The following XKR8 variants were observed in gnomAD, a reference collection of about 807,000 sequenced individuals.
The protein encoded by XKR8 is XK related 8.
Under a neutral mutation model 17.1 loss-of-function variants are expected in XKR8, and 10 were observed. That is an observed-to-expected ratio of 0.59 (90% confidence interval 0.36 to 0.99). The LOEUF (loss-of-function observed/expected upper bound fraction) is 0.99, where lower values mean the gene tolerates loss of function less well. Among genes scored for constraint, XKR8 ranks in the 50% least tolerant of loss-of-function variants. The pLI is 0.01. For missense variants in XKR8, 411 were observed against 515.6 expected (o/e 0.80, Z 1.96); for synonymous variants, 213 against 251.9 (o/e 0.85, Z 1.46).
rs1557507261 is a variant in XKR8 at position 27,966,690 on chromosome 1, C to T, written c.678C>T (p.Pro226=). The part of the protein sequence containing the change: ...LAVALFSALF[P]SYVALHFLGL... ...TGGCCCTGTTCTCAGCCCTCTTCCC[C>T]AGCTATGTGGCCCTGCACTTCCTGG... Residue 226 remains proline (P), a synonymous_variant, in exon 3 of 3, where the codon CCC becomes CCT. Coordinates refer to ENST00000373884, the MANE Select transcript of XKR8 (RefSeq NM_018053.4). The surrounding 1 kb of genome is among the most constrained non-coding windows in gnomAD (Gnocchi z 4.3). The T allele has an allele frequency of 2.5e-6, 4 of 1,614,052 alleles. No individual in the cohort carries two copies. The African/African-American group carries it at 5.3e-5, about 22-fold the overall frequency.
intron 1 of XKR8, among the ~76,000 whole-genome samples, chr1:27,962,725 T>G (rs1638492484): frequency 2.6e-5 from 4 of 151,610 alleles, no homozygotes; most frequent in Non-Finnish European, 5.9e-5. Context: ...CTGAGTAGCT[T>G]GGACTACAGG....
chr1:27,961,760 C>G (rs1308971605), intron 1 of XKR8, among the ~76,000 whole-genome samples: 1 of 152,184 alleles, frequency 6.6e-6, no homozygotes, highest in Admixed American at 6.5e-5. Context: ...CCTGCCTGCT[C>G]CTCAGTGTGT....
chr1:27,962,754 A>G (rs1638493240), intron 1 of XKR8, among the ~76,000 whole-genome samples: 1 of 151,748 alleles, frequency 6.6e-6, no homozygotes, highest in African/African-American at 2.4e-5. Flanking sequence ...ACCACGTCCA[A>G]CTAATTAAAA....
In XKR8 at chr1:27,960,188, G is replaced by A; in HGVS notation, c.119G>A (p.Gly40Asp). Residue 40 changes from glycine to aspartate, a missense_variant, in exon 1 of 3, where the codon GGC becomes GAC. Coordinates refer to ENST00000373884, the MANE Select transcript of XKR8 (RefSeq NM_018053.4). The surrounding 1 kb of genome is among the most constrained non-coding windows in gnomAD (Gnocchi z 5.9). ...TGGGCCGCCGTCCAGTATGCGCTCG[G>A]CGGCCGCTACCTGTGGGCGGCGCTG... is the stretch of plus-strand genomic sequence containing the variant. ...DLWAAVQYAL[G>D]GRYLWAALVL... The A allele has an allele frequency of 6.5e-7, 1 of 1,527,026 alleles. No homozygotes were observed. Among genetic ancestry groups the A allele is most frequent in the Middle Eastern group, 2.0e-4 (1 of 5,062 alleles). 94.6% of individuals were successfully genotyped at this position (1,527,026 alleles called of 1,614,324 possible).
chr1:27,963,716 C>A (rs958296319), intron 2 of XKR8, 23 bp downstream of exon 2: 9 of 1,509,272 alleles, frequency 6.0e-6, no homozygotes, highest in East Asian at 2.5e-5. Context: ...CTGTGGCTGG[C>A]CCCCCTGTCG....
intron 1 of XKR8, 70 bp from the exon 2 acceptor site, chr1:27,963,427 G>C: frequency 6.6e-7 from 1 of 1,519,618 alleles, no homozygotes; most frequent in Non-Finnish European, 8.9e-7. Flanking sequence ...CCACTCATTA[G>C]ATGGGTGGGA....
rs947231705 is a variant in XKR8, at chr1:27,965,872, C to T, written c.491-631C>T. Among the ~76,000 whole-genome samples, 14 of 152,102 alleles carry T rather than the reference C, an allele frequency of 9.2e-5. No individual in the cohort carries two copies. Among genetic ancestry groups the T allele is most frequent in the African/African-American group, 3.1e-4 (13 of 41,398 alleles). ...CCTTGTGCTTCTGCTCCAGGATTGGCAACCAGGAGGTGGGATAGGACCCCT... is the reference window on the plus strand; with the variant it reads ...CCTTGTGCTTCTGCTCCAGGATTGGTAACCAGGAGGTGGGATAGGACCCCT... On this transcript the variant is annotated intron_variant, in intron 2 of 2. Transcript: ENST00000373884. This position sits in a 1 kb window ranked among gnomAD's most constrained non-coding sequence, Gnocchi z 4.1.
Position 27,966,593 on chromosome 1 carries a change from T to TCCTGGG in XKR8, c.589_594dup (p.Leu197_Gly198dup). 6.2e-7 allele frequency: 1 copy of TCCTGGG among 1,614,054 alleles called. No individual in the cohort carries two copies. The highest frequency in any genetic ancestry group is 8.5e-7 in the Non-Finnish European group (1 of 1,180,002). Reference sequence around the variant, plus strand: ...CGCACCTGCCTCCCCTCCAAGCCGCTCCTGGGCCTGGGCTCCTCCGTGATC... The same window carrying TCCTGGG: ...CGCACCTGCCTCCCCTCCAAGCCGCTCCTGGGCCTGGGCCTGGGCTCCTCCGTGATC... On this transcript the variant is annotated inframe_insertion, in exon 3 of 3. Coordinates refer to ENST00000373884, the MANE Select transcript of XKR8 (RefSeq NM_018053.4). The surrounding 1 kb of genome is among the most constrained non-coding windows in gnomAD (Gnocchi z 4.3).
At position 27,967,215 on chromosome 1, in the gene XKR8, T is replaced by C. The variant is rs2148688545; in HGVS notation, c.*15T>C. ...TGAAGGGATAGGTGAACGGCGTCCT[T>C]TGAAGCAGGATCAGACCCAGCCAGC... On this transcript the variant is annotated 3_prime_UTR_variant, in exon 3 of 3. Coordinates refer to ENST00000373884, the MANE Select transcript of XKR8 (RefSeq NM_018053.4). This position sits in a 1 kb window ranked among gnomAD's most constrained non-coding sequence, Gnocchi z 4.3. 2 of 1,531,608 alleles carry C rather than the reference T, an allele frequency of 1.3e-6. No individual in the cohort carries two copies. The highest frequency in any genetic ancestry group is 2.3e-5 in the East Asian group (1 of 44,134). 94.9% of individuals were successfully genotyped at this position (1,531,608 alleles called of 1,614,324 possible).
rs554233809 is a variant in XKR8, at chr1:27,968,070, T to C, written c.*870T>C. ...TGTTTTCAACAGTATTATTAGGTTA[T>C]GAATAAAGCCTCATGAAATCCTCCA... On this transcript the variant is annotated 3_prime_UTR_variant, in exon 3 of 3. Transcript: ENST00000373884. 1 of 152,780 alleles carries C rather than the reference T, an allele frequency of 6.5e-6. No individual in the cohort carries two copies. Among genetic ancestry groups the C allele is most frequent in the East Asian group, 1.9e-4 (1 of 5,194 alleles). 9.5% of individuals were successfully genotyped at this position (152,780 alleles called of 1,614,324 possible).
chr1:27,964,236 G>A (rs1638526949), intron 2 of XKR8: 1 of 138,600 alleles, frequency 7.2e-6, no homozygotes, highest in African/African-American at 2.7e-5. Context: ...CTGAGCTCAA[G>A]TAACCTCCTA....
intron 2 of XKR8, chr1:27,964,377 T>C (rs1238392276): frequency 1.3e-5 from 2 of 152,132 alleles, no homozygotes; most frequent in African/African-American, 4.8e-5. Flanking sequence ...AGGTAACTTT[T>C]TAGTTAAGAA....
Position 27,960,522 on chromosome 1 carries a change from G to A in XKR8, c.293+160G>A, listed in dbSNP as rs775998021. Among the ~76,000 whole-genome samples the A allele has an allele frequency of 6.6e-6, 1 of 152,210 alleles. No homozygotes were observed. The highest frequency in any genetic ancestry group is 2.4e-5 in the African/African-American group (1 of 41,462). ...TACAGGTGAGCGTGCAGCCCTTTAC[G>A]GAAAGGGAATCCCGGTAGACTGCCT... is the stretch of plus-strand genomic sequence containing the variant. On this transcript the variant is annotated intron_variant, in intron 1 of 2. Transcript: ENST00000373884. The surrounding 1 kb of genome is among the most constrained non-coding windows in gnomAD (Gnocchi z 5.9).
Position 27,967,125 on chromosome 1 carries a change from C to A in XKR8, c.1113C>A (p.Asn371Lys). The A allele has an allele frequency of 6.2e-7, 1 of 1,611,164 alleles. No individual in the cohort carries two copies. Among genetic ancestry groups the A allele is most frequent in the East Asian group, 2.2e-5 (1 of 44,816 alleles). ...LSPEGYQLPQNRRMTHLAQKF... is the reference protein window; with the variant it reads ...LSPEGYQLPQKRRMTHLAQKF... ...CAGAGGGGTATCAGCTGCCTCAGAA[C>A]AGGCGCATGACCCATTTAGCACAGA... The change falls in exon 3 of 3, where the codon AAC (asparagine) becomes AAA (lysine). Residue 371 changes from asparagine (N) to lysine (K), a missense_variant. Asn to Lys is a moderately conservative substitution (Grantham distance 94, BLOSUM62 0). Coordinates refer to ENST00000373884, the MANE Select transcript of XKR8 (RefSeq NM_018053.4). The surrounding 1 kb of genome is among the most constrained non-coding windows in gnomAD (Gnocchi z 4.3).
At position 27,967,369 on chromosome 1, in the gene XKR8, G is replaced by A. The variant is rs538041586; in HGVS notation, c.*169G>A. The A allele has an allele frequency of 9.8e-5, 67 of 684,772 alleles. No homozygotes were observed. The highest frequency in any genetic ancestry group is 2.4e-4 in the Admixed American group (7 of 29,770). 42.4% of individuals were successfully genotyped at this position (684,772 alleles called of 1,614,324 possible). A position where few individuals can be genotyped will look rare whatever the true frequency, so the allele number is the denominator to read the frequency against. On this transcript the variant is annotated 3_prime_UTR_variant, in exon 3 of 3. Transcript: ENST00000373884. The surrounding 1 kb of genome is among the most constrained non-coding windows in gnomAD (Gnocchi z 4.3). ...CGGGCACCAGGGATGGTGCTGAGTC[G>A]GGCAGAGGCCTCCTTTCAAGGAGTT...
At chr1:27,964,895 T>A (rs1638539504) in intron 2 of XKR8, among the ~76,000 whole-genome samples, 1 of 152,106 alleles carries the variant, frequency 6.6e-6, no homozygotes, top group Non-Finnish European at 1.5e-5. Flanking sequence ...AAGAAACCAG[T>A]CCTCACTCTA....
At position 27,965,164 on chromosome 1, in the gene XKR8, T is replaced by C. The variant is rs181324704; in HGVS notation, c.491-1339T>C. On this transcript the variant is annotated intron_variant, in intron 2 of 2. Transcript: ENST00000373884. The surrounding 1 kb of genome is among the most constrained non-coding windows in gnomAD (Gnocchi z 4.1). The stretch of plus-strand genomic sequence containing the variant: ...TTTTAAAGAGGTGCAGAAAGGTGAG[T>C]GACTTGCCCTGGGTTACTGGGCACT... Among the ~76,000 whole-genome samples the C allele has an allele frequency of 2.3e-3, 352 of 152,014 alleles. 1 individual carries two copies. Among genetic ancestry groups the C allele is most frequent in the Non-Finnish European group, 4.4e-3 (298 of 67,956 alleles).
chr1:27,964,493 G>C (rs1178935301), intron 2 of XKR8, among the ~76,000 whole-genome samples: 1 of 152,082 alleles, frequency 6.6e-6, no homozygotes, highest in African/African-American at 2.4e-5. Context: ...AATTTTAAAA[G>C]AGAAACAAGA....
chr1:27,962,994 C>T (rs541400330), intron 1 of XKR8, among the ~76,000 whole-genome samples: 4 of 152,196 alleles, frequency 2.6e-5, no homozygotes, highest in South Asian at 4.2e-4. Flanking sequence ...GCTTAGCCAG[C>T]GGGAGTAGAA....
Sources: allele counts gnomAD v4.1 joint callset (sites outside exome capture counted in the v4.1 genomes callset), GRCh38; gene constraint gnomAD v4.1.1; non-coding constraint Gnocchi (gnomAD v3.1); transcripts MANE v1.5; gene names NCBI Gene and HGNC (gene_info 2026-07-23, HGNC 2026-07-21).